Variants in COBL observed in about 807,000 individuals in gnomAD.
The protein encoded by COBL is protein cordon-bleu.
COBL carries 51 observed loss-of-function variants against 98.8 expected under a neutral mutation model. The observed-to-expected ratio is 0.52, with a 90% CI of 0.41 to 0.65. COBL has a LOEUF of 0.65. Ranked by LOEUF, COBL falls within the 30% of genes least tolerant of loss-of-function variation. The pLI is 0.00. For missense variants in COBL, 1,617 were observed against 1,617.5 expected (o/e 1.00, Z 0.01); for synonymous variants, 634 against 651.7 (o/e 0.97, Z 0.41).
chr7:51,224,024 G>A (rs1793923082), intron 1 of COBL, among the ~76,000 whole-genome samples: 2 of 152,144 alleles, frequency 1.3e-5, no homozygotes, highest in Non-Finnish European at 2.9e-5. Context: ...TAGATATGTT[G>A]AGACATACAA....
At chr7:51,203,327 T>C (rs1791331614) in intron 2 of COBL, among the ~76,000 whole-genome samples, 1 of 139,340 alleles carries the variant, frequency 7.2e-6, no homozygotes, top group South Asian at 2.7e-4. Flanking sequence ...CCGGGTGTAG[T>C]GGCGGGCGCC....
intron 7 of COBL, among the ~76,000 whole-genome samples, chr7:51,069,805 G>A (rs984680173): frequency 1.3e-5 from 2 of 152,196 alleles, no homozygotes; most frequent in African/African-American, 2.4e-5. Flanking sequence ...GGCCAAAGAA[G>A]AAAGTATGAT....
rs145471697 is a variant in COBL, at chr7:51,269,398, C to T, written c.41+47195G>A. On this transcript the variant is annotated intron_variant, in intron 1 of 12. Transcript: ENST00000265136. ...CCCAGGTAAGAAGGAGATGGGAGGC[C>T]AGCACTTGTCATGCCGTGCTGCTGG... Among the ~76,000 whole-genome samples the T allele has an allele frequency of 4.7e-3, 720 of 152,286 alleles. 3 individuals carry two copies. The highest frequency in any genetic ancestry group is 0.016 in the African/African-American group (669 of 41,556).
chr7:51,236,794 T>C (rs940961875), intron 1 of COBL, among the ~76,000 whole-genome samples: 2 of 152,182 alleles, frequency 1.3e-5, no homozygotes, highest in Non-Finnish European at 2.9e-5. Context: ...TGGTACACGA[T>C]GCACTCAAAA....
chr7:51,286,011 G>A (rs1253202132), intron 1 of COBL, among the ~76,000 whole-genome samples: 1 of 152,088 alleles, frequency 6.6e-6, no homozygotes, highest in Non-Finnish European at 1.5e-5. Context: ...TCAACAAATG[G>A]TATTATAACA....
At chr7:51,066,625 A>G (rs141143870) in intron 7 of COBL, among the ~76,000 whole-genome samples, 1 of 152,314 alleles carries the variant, frequency 6.6e-6, no homozygotes, top group African/African-American at 2.4e-5. Context: ...GTATAGATTT[A>G]AGGGTTACTC....
chr7:51,275,443 C>G (rs1225083962), intron 1 of COBL, among the ~76,000 whole-genome samples: 2 of 152,192 alleles, frequency 1.3e-5, no homozygotes, highest in Non-Finnish European at 2.9e-5. Context: ...GAACCACTGC[C>G]TCCAGTTCTG....
At chr7:51,263,641 T>A (rs953694966) in intron 1 of COBL, among the ~76,000 whole-genome samples, 1 of 151,802 alleles carries the variant, frequency 6.6e-6, no homozygotes, top group Non-Finnish European at 1.5e-5. Flanking sequence ...CCTGGGAGGA[T>A]GAAGAGTTCC....
At chr7:51,231,025 C>T (rs115557924) in intron 1 of COBL, among the ~76,000 whole-genome samples, 34 of 152,166 alleles carry the variant, frequency 2.2e-4, no homozygotes, top group Non-Finnish European at 3.4e-4. Context: ...GTTAACACTG[C>T]CTGGGTTCAA....
chr7:51,089,828 CTT>C (rs5884191), intron 6 of COBL, among the ~76,000 whole-genome samples: 14 of 150,334 alleles, frequency 9.3e-5, no homozygotes, highest in African/African-American at 2.2e-4. Context: ...TACCATTTAT[CTT>C]TTTTTTTTTC....
intron 1 of COBL, among the ~76,000 whole-genome samples, chr7:51,264,686 A>G (rs1000588518): frequency 1.5e-4 from 21 of 136,326 alleles, no homozygotes; most frequent in African/African-American, 7.7e-4. Flanking sequence ...AAAAAAAAAA[A>G]AAAAAAAAAG....
chr7:51,230,718 A>C (rs1399042651), intron 1 of COBL, among the ~76,000 whole-genome samples: 1 of 152,208 alleles, frequency 6.6e-6, no homozygotes, highest in Non-Finnish European at 1.5e-5. Flanking sequence ...CCCTCTGCCC[A>C]CTGGGTGAAG....
intron 12 of COBL, chr7:51,022,449 T>A (rs1360117418): frequency 6.6e-6 from 1 of 152,244 alleles, no homozygotes; most frequent in African/African-American, 2.4e-5. Context: ...TGCCTGGGCC[T>A]CGCACGGCAC....
At chr7:51,265,863 A>G (rs1798154144) in intron 1 of COBL, among the ~76,000 whole-genome samples, 1 of 152,184 alleles carries the variant, frequency 6.6e-6, no homozygotes, top group South Asian at 2.1e-4. Context: ...CTCAAGAAAC[A>G]GTCATATGCG....
chr7:51,124,021 C>A (rs1022869719), intron 6 of COBL, among the ~76,000 whole-genome samples: 1 of 152,148 alleles, frequency 6.6e-6, no homozygotes, highest in Non-Finnish European at 1.5e-5. Flanking sequence ...CCTCACTTTC[C>A]CTTTGTAAAC....
At chr7:51,170,378 T>A (rs1009977555) in intron 5 of COBL, among the ~76,000 whole-genome samples, 1 of 151,768 alleles carries the variant, frequency 6.6e-6, no homozygotes, top group Non-Finnish European at 1.5e-5. Flanking sequence ...ATAAAGGTGC[T>A]AAAACCTATT....
rs1786553018 is a variant in COBL, at chr7:51,159,399, C to T, written c.784-23068G>A. On this transcript the variant is annotated intron_variant, in intron 5 of 12. Coordinates refer to ENST00000265136, the MANE Select transcript of COBL (RefSeq NM_015198.5). ...GACCCCAGGGTTCTGGCCCGAGGCA[C>T]TGTGATGGCGGAGATGTCATCTCCT... Among the ~76,000 whole-genome samples, 4 of 152,202 alleles carry T rather than the reference C, an allele frequency of 2.6e-5. No homozygotes were observed. In the South Asian group the frequency reaches 8.3e-4, roughly 31 times the overall value.
At chr7:51,205,119 A>G (rs973289760) in intron 2 of COBL, among the ~76,000 whole-genome samples, 1 of 152,218 alleles carries the variant, frequency 6.6e-6, no homozygotes, top group African/African-American at 2.4e-5. Flanking sequence ...TGCAATCCCT[A>G]TCAAAATCCC....
At chr7:51,035,125 G>T (rs2128878971) in intron 8 of COBL, 1 of 152,260 alleles carries the variant, frequency 6.6e-6, no homozygotes, top group East Asian at 1.9e-4. Context: ...CACCCAGCCG[G>T]GTGTGTGCAG....
Sources: gnomAD v4.1 joint callset for allele counts (sites outside exome capture counted in the v4.1 genomes callset) on GRCh38, gnomAD v4.1.1 for gene constraint, MANE v1.5 for transcripts, NCBI Gene and HGNC (gene_info 2026-07-23, HGNC 2026-07-21) for gene names.